EIF3B: variants seen among roughly 807,000 people sequenced by gnomAD.
EIF3B encodes the protein eukaryotic translation initiation factor 3 subunit B.
A neutral mutation model predicts 104.6 loss-of-function variants in EIF3B; 10 were observed. That is an observed-to-expected ratio of 0.10 (90% CI 0.06 to 0.16). The LOEUF (loss-of-function observed/expected upper bound fraction) is 0.16, where lower values mean the gene tolerates loss of function less well. Among genes scored for constraint, EIF3B ranks in the 10% least tolerant of loss-of-function variants. EIF3B has a pLI of 1.00. For missense variants in EIF3B, 1,014 were observed against 1,087.9 expected (o/e 0.93, Z 0.96); for synonymous variants, 542 against 417.2 (o/e 1.30, Z -3.65).
At chr7:2,362,442 C>T (rs1170405979) in intron 2 of EIF3B, among the ~76,000 whole-genome samples, 1 of 152,148 alleles carries the variant, frequency 6.6e-6, no homozygotes, top group Non-Finnish European at 1.5e-5. Flanking sequence ...GACTTCGGAT[C>T]TTCTGGTTAG....
intron 1 of EIF3B, among the ~76,000 whole-genome samples, chr7:2,357,494 A>G (rs1296203845): frequency 6.6e-6 from 1 of 152,242 alleles, no homozygotes; most frequent in Admixed American, 6.5e-5. Context: ...GGAGCAGGCC[A>G]GAGGTGGCCT....
In EIF3B at chr7:2,364,235, C is replaced by T. The variant is rs973352849; in HGVS notation, c.1000-137C>T. ...TGAGATTGCGCCACTGCACTCCAGC[C>T]TGGGAGACAGCGAGACTCCGTCTCA... On this transcript the variant is annotated intron_variant, in intron 5 of 18. Coordinates refer to ENST00000360876, the MANE Select transcript of EIF3B (RefSeq NM_001037283.2). The T allele has an allele frequency of 1.2e-4, 92 of 779,082 alleles. 1 individual carries two copies. Among genetic ancestry groups the T allele is most frequent in the Non-Finnish European group, 2.6e-5 (13 of 495,998 alleles). 48.3% of individuals were successfully genotyped at this position (779,082 alleles called of 1,614,324 possible).
At chr7:2,379,836 G>C (rs1780899129) in intron 18 of EIF3B, 1 of 340,124 alleles carries the variant, frequency 2.9e-6, no homozygotes, top group Non-Finnish European at 5.6e-6. Flanking sequence ...TGACGGCCGC[G>C]GTGTGTCCAC....
chr7:2,379,085 G>T (rs758943701), intron 16 of EIF3B, 49 bp from the exon 17 acceptor site: 1 of 1,546,678 alleles, frequency 6.5e-7, no homozygotes, highest in East Asian at 2.3e-5. Context: ...TTCGCGATGG[G>T]GAGGCACTTG....
intron 1 of EIF3B, among the ~76,000 whole-genome samples, chr7:2,359,689 G>A (rs563271625): frequency 6.6e-6 from 1 of 152,354 alleles, no homozygotes; most frequent in East Asian, 1.9e-4. Flanking sequence ...AGAACCGGAG[G>A]TGACAGCCCA....
chr7:2,362,245 C>A (rs1244621570), intron 2 of EIF3B, among the ~76,000 whole-genome samples: 1 of 152,172 alleles, frequency 6.6e-6, no homozygotes, highest in Non-Finnish European at 1.5e-5. Flanking sequence ...CAGGTGTGAA[C>A]CATTGCGCCC....
intron 10 of EIF3B, 104 bp from the exon 11 acceptor site, chr7:2,371,673 G>T: frequency 1.1e-6 from 1 of 879,286 alleles, no homozygotes; most frequent in Non-Finnish European, 1.9e-6. Context: ...TGTGAACCAG[G>T]CATGCACACT....
At chr7:2,365,291 C>T (rs1222614144) in intron 6 of EIF3B, among the ~76,000 whole-genome samples, 1 of 152,172 alleles carries the variant, frequency 6.6e-6, no homozygotes, top group African/African-American at 2.4e-5. Context: ...TGTCGGAGGC[C>T]TGCTAGGGAA....
chr7:2,378,654 A>G, intron 15 of EIF3B, 35 bp from the exon 16 acceptor site: 2 of 1,582,504 alleles, frequency 1.3e-6, no homozygotes, highest in Non-Finnish European at 1.7e-6. Flanking sequence ...GTTGCTTTGA[A>G]TGTTAAATCC....
chr7:2,374,848 G>T, intron 13 of EIF3B: 1 of 436,784 alleles, frequency 2.3e-6, no homozygotes, highest in Non-Finnish European at 4.1e-6. Context: ...TGACCAGGCA[G>T]ACCTGTCTGC....
At chr7:2,356,003 G>T (rs1186422331) in intron 1 of EIF3B, among the ~76,000 whole-genome samples, 1 of 152,146 alleles carries the variant, frequency 6.6e-6, no homozygotes, top group Non-Finnish European at 1.5e-5. Context: ...ATTTTTCCAG[G>T]TTTTAATATT....
At chr7:2,363,201 C>A (rs1388012185) in intron 4 of EIF3B, 74 bp downstream of exon 4, 62 of 1,462,286 alleles carry the variant, frequency 4.2e-5, no homozygotes, top group Non-Finnish European at 5.9e-5. Context: ...ACCTGCAATC[C>A]CAGCACTTAG....
At chr7:2,379,278 C>G (rs1245255854) in intron 17 of EIF3B, 36 bp downstream of exon 17, 1 of 1,585,646 alleles carries the variant, frequency 6.3e-7, no homozygotes, top group South Asian at 1.1e-5. Context: ...AGGAGCTGGC[C>G]CTTACGCTGC....
At position 2,363,188 on chromosome 7, in the gene EIF3B, C is replaced by G. The variant is rs368705459; in HGVS notation, c.870+61C>G. On this transcript the variant is annotated intron_variant, in intron 4 of 18. Transcript: ENST00000360876. ...AGAAATGCTGCTGGGTGTGGTGGGT[C>G]ACACCTGCAATCCCAGCACTTAGGG... 231 of 1,520,930 alleles carry G rather than the reference C, an allele frequency of 1.5e-4. No individual in the cohort carries two copies. The African/African-American group carries it at 3.0e-3, about 20-fold the overall frequency. 94.2% of individuals were successfully genotyped at this position (1,520,930 alleles called of 1,614,324 possible).
At chr7:2,362,542 C>T in intron 2 of EIF3B, 103 bp from the exon 3 acceptor site, 3 of 1,444,014 alleles carry the variant, frequency 2.1e-6, no homozygotes, top group Non-Finnish European at 2.9e-6. Flanking sequence ...AGCACAGATA[C>T]TCCTGGCACC....
At chr7:2,365,988 A>G (rs1166294856) in intron 6 of EIF3B, among the ~76,000 whole-genome samples, 1 of 151,982 alleles carries the variant, frequency 6.6e-6, no homozygotes, top group African/African-American at 2.4e-5. Context: ...GCCCAGCCGT[A>G]TTTTTTTAAC....
chr7:2,378,386 T>A (rs112501635), intron 15 of EIF3B: 5,992 of 233,794 alleles, frequency 0.026, 119 homozygotes, highest in African/African-American at 0.11. Flanking sequence ...GCTCCTGGGA[T>A]GCTGTGTTGT....
At chr7:2,369,729 G>A (rs751762414) in intron 10 of EIF3B, 47 bp downstream of exon 10, 2 of 1,469,366 alleles carry the variant, frequency 1.4e-6, no homozygotes, top group South Asian at 2.3e-5. Flanking sequence ...CCTGAGCTCT[G>A]AAGTGGCCAC....
chr7:2,371,330 A>C (rs1583172086), intron 10 of EIF3B, among the ~76,000 whole-genome samples: 1 of 152,106 alleles, frequency 6.6e-6, no homozygotes, highest in East Asian at 1.9e-4. Context: ...CTGTTGATGG[A>C]CATCAGGGCA....
Sources: allele counts gnomAD v4.1 joint callset (sites outside exome capture counted in the v4.1 genomes callset), GRCh38; gene constraint gnomAD v4.1.1; transcripts MANE v1.5; gene names NCBI Gene and HGNC (gene_info 2026-07-23, HGNC 2026-07-21).